CTIF: variants seen among roughly 807,000 people sequenced by gnomAD.
The protein encoded by CTIF is CBP80/20-dependent translation initiation factor.
CTIF carries 21 observed loss-of-function variants against 66.0 expected under a neutral mutation model. The ratio of observed to expected loss-of-function variants is 0.32; its 90% confidence interval spans 0.23 to 0.46. The LOEUF (loss-of-function observed/expected upper bound fraction) is 0.46. Among genes scored for constraint, CTIF ranks in the 20% least tolerant of loss-of-function variants. The pLI is 1.00. For synonymous variants in CTIF, 345 were observed against 326.4 expected, an observed-to-expected ratio of 1.06 and a Z score of -0.62; for missense variants, 739 against 812.7, an observed-to-expected ratio of 0.91 and a Z score of 1.10.
At chr18:48,588,503 C>T (rs879850086) in intron 1 of CTIF, among the ~76,000 whole-genome samples, 138 of 152,314 alleles carry the variant, frequency 9.1e-4, no homozygotes, top group Non-Finnish European at 2.9e-4. Flanking sequence ...ATCTAGCTCG[C>T]GATCCTCATC....
intron 1 of CTIF, among the ~76,000 whole-genome samples, chr18:48,569,112 C>T (rs2089352574): frequency 1.3e-5 from 2 of 152,168 alleles, no homozygotes; most frequent in Non-Finnish European, 2.9e-5. Context: ...AATTAGGGTC[C>T]ACTGACATGA....
chr18:48,800,773 G>A (rs1372824424), intron 9 of CTIF, among the ~76,000 whole-genome samples: 1 of 152,256 alleles, frequency 6.6e-6, no homozygotes, highest in East Asian at 1.9e-4. Flanking sequence ...TCCAAGGGCT[G>A]AGTGGGAGTC....
chr18:48,747,899 A>C (rs1008545688), intron 7 of CTIF, among the ~76,000 whole-genome samples: 3 of 151,796 alleles, frequency 2.0e-5, no homozygotes, highest in African/African-American at 7.3e-5. Flanking sequence ...CCTGGGTAAC[A>C]GAGCAAAAAC....
intron 5 of CTIF, among the ~76,000 whole-genome samples, chr18:48,668,922 C>G (rs2091478994): frequency 6.6e-6 from 1 of 152,000 alleles, no homozygotes; most frequent in South Asian, 2.1e-4. Flanking sequence ...CAGACCCTGT[C>G]CAGAGCCGGG....
intron 9 of CTIF, 110 bp from the exon 10 acceptor site, chr18:48,817,111 G>C: frequency 9.1e-7 from 1 of 1,094,126 alleles, no homozygotes; most frequent in Middle Eastern, 3.0e-4. Flanking sequence ...CATGGGGTTT[G>C]CCTGCTGCCC....
intron 9 of CTIF, among the ~76,000 whole-genome samples, chr18:48,774,808 G>C (rs547829014): frequency 2.0e-5 from 3 of 152,342 alleles, no homozygotes; most frequent in Middle Eastern, 3.4e-3. Context: ...GGGTAGCTTA[G>C]GAGGTATTTG....
At chr18:48,742,189 C>T (rs974383683) in intron 7 of CTIF, among the ~76,000 whole-genome samples, 3 of 152,150 alleles carry the variant, frequency 2.0e-5, no homozygotes, top group Non-Finnish European at 4.4e-5. Context: ...GACCGTTTCC[C>T]GAAGGAGACA....
chr18:48,821,806 T>C (rs1292154812), intron 10 of CTIF, among the ~76,000 whole-genome samples: 5 of 152,254 alleles, frequency 3.3e-5, no homozygotes, highest in African/African-American at 9.6e-5. Context: ...TTAAATATTT[T>C]TGAATTTCTA....
At chr18:48,728,116 A>G (rs753441134) in intron 7 of CTIF, among the ~76,000 whole-genome samples, 1 of 152,206 alleles carries the variant, frequency 6.6e-6, no homozygotes, top group Non-Finnish European at 1.5e-5. Context: ...TCTGTAGGAG[A>G]CAATGTTGCT....
intron 10 of CTIF, among the ~76,000 whole-genome samples, chr18:48,843,097 C>A (rs2068985196): frequency 6.6e-6 from 1 of 152,086 alleles, no homozygotes; most frequent in Admixed American, 6.5e-5. Flanking sequence ...CCACCCACCC[C>A]AAGCCCCAGG....
At chr18:48,733,191 T>C (rs1228213758) in intron 7 of CTIF, among the ~76,000 whole-genome samples, 1 of 152,042 alleles carries the variant, frequency 6.6e-6, no homozygotes, top group Non-Finnish European at 1.5e-5. Flanking sequence ...CACTAACTTT[T>C]TCAAGTTTGT....
intron 10 of CTIF, among the ~76,000 whole-genome samples, chr18:48,852,955 A>G (rs2069241774): frequency 6.6e-6 from 1 of 152,134 alleles, no homozygotes; most frequent in African/African-American, 2.4e-5. Flanking sequence ...CCTTCTGGTG[A>G]CAGGGGTATG....
chr18:48,608,209 C>A (rs566551361), intron 1 of CTIF, among the ~76,000 whole-genome samples: 1 of 152,152 alleles, frequency 6.6e-6, no homozygotes, highest in African/African-American at 2.4e-5. Context: ...ATTGCCTGGT[C>A]TGAAGGGGAC....
intron 10 of CTIF, among the ~76,000 whole-genome samples, chr18:48,832,173 C>CTTTTTTTT (rs61221781): frequency 0.036 from 4,636 of 128,144 alleles, 425 homozygotes; most frequent in African/African-American, 0.14. Context: ...CGTGGTCCTT[C>CTTTTTTTT]TTTTTTTTTT....
At chr18:48,858,120 C>T (rs1042907560) in intron 11 of CTIF, among the ~76,000 whole-genome samples, 1 of 152,252 alleles carries the variant, frequency 6.6e-6, no homozygotes, top group East Asian at 1.9e-4. Flanking sequence ...CTCCCTTTAG[C>T]GCCTGGCTTT....
chr18:48,696,116 C>G (rs1598887378), intron 6 of CTIF, among the ~76,000 whole-genome samples: 1 of 152,404 alleles, frequency 6.6e-6, no homozygotes, highest in South Asian at 2.1e-4. Context: ...CCCCAGCTGT[C>G]AGTCTCATTA....
At chr18:48,835,001 T>C (rs2068778332) in intron 10 of CTIF, among the ~76,000 whole-genome samples, 1 of 152,208 alleles carries the variant, frequency 6.6e-6, no homozygotes, top group Non-Finnish European at 1.5e-5. Flanking sequence ...AAGCACCCTC[T>C]GTGAGAAGGG....
intron 10 of CTIF, among the ~76,000 whole-genome samples, chr18:48,835,012 A>G (rs186728506): frequency 1.2e-4 from 18 of 152,366 alleles, no homozygotes; most frequent in Admixed American, 1.1e-3. Context: ...GTGAGAAGGG[A>G]AAAAGGAAAG....
At chr18:48,541,114 C>T (rs947799570) in intron 1 of CTIF, among the ~76,000 whole-genome samples, 1 of 152,194 alleles carries the variant, frequency 6.6e-6, no homozygotes, top group South Asian at 2.1e-4. Context: ...TGTGCGTGCC[C>T]GCGCTCGCCG....
Sources: allele counts gnomAD v4.1 joint callset (sites outside exome capture counted in the v4.1 genomes callset), GRCh38; gene constraint gnomAD v4.1.1; transcripts MANE v1.5; gene names NCBI Gene and HGNC (gene_info 2026-07-23, HGNC 2026-07-21).